FCHSD2: variants seen among roughly 807,000 people sequenced by gnomAD.
FCHSD2 encodes FCH and double SH3 domains 2, also known as F-BAR and double SH3 domains protein 2.
FCHSD2 carries 38 observed loss-of-function variants against 108.1 expected under a neutral mutation model. The observed-to-expected ratio is 0.35, with a 90% CI of 0.27 to 0.46. The LOEUF (loss-of-function observed/expected upper bound fraction) is 0.46, where lower values mean the gene tolerates loss of function less well. Ranked by LOEUF, FCHSD2 falls within the 20% of genes least tolerant of loss-of-function variation. The probability of loss-of-function intolerance (pLI) is 1.00; values close to 1 mark genes in which losing one functional copy is unlikely to be tolerated. For missense variants in FCHSD2, 751 were observed against 897.8 expected (o/e 0.84, Z 2.09); for synonymous variants, 279 against 314.7 (o/e 0.89, Z 1.20).
At chr11:73,038,602 A>G (rs1250942410) in intron 3 of FCHSD2, among the ~76,000 whole-genome samples, 1 of 152,184 alleles carries the variant, frequency 6.6e-6, no homozygotes, top group African/African-American at 2.4e-5. Context: ...AGAAACAGAA[A>G]ACCAAATACC....
At chr11:73,015,268 G>A (rs991383532) in intron 4 of FCHSD2, among the ~76,000 whole-genome samples, 3 of 152,164 alleles carry the variant, frequency 2.0e-5, no homozygotes, top group East Asian at 1.9e-4. Context: ...AACTAGCCAC[G>A]TCTAAATCTT....
In FCHSD2 at chr11:72,843,551, A is replaced by G; in HGVS notation, c.1444-19T>C. 1 of 1,588,924 alleles carries G rather than the reference A, an allele frequency of 6.3e-7. No individual in the cohort carries two copies. Among genetic ancestry groups the G allele is most frequent in the South Asian group, 1.1e-5 (1 of 90,530 alleles). On this transcript the variant is annotated intron_variant, in intron 14 of 19. Coordinates refer to ENST00000409418, the MANE Select transcript of FCHSD2 (RefSeq NM_014824.3). ...GAGAAGCCTGCAGTGTAGGATGGTCATGGACAAAATTAAAAAGGTTAGATA... is the reference window on the plus strand; with the variant it reads ...GAGAAGCCTGCAGTGTAGGATGGTCGTGGACAAAATTAAAAAGGTTAGATA...
intron 9 of FCHSD2, among the ~76,000 whole-genome samples, chr11:72,912,582 TTTA>T (rs1407761578): frequency 1.3e-5 from 2 of 152,226 alleles, no homozygotes; most frequent in Non-Finnish European, 2.9e-5. Context: ...GCTTGTAGTT[TTTA>T]TTTTTTGATG....
intron 10 of FCHSD2, among the ~76,000 whole-genome samples, chr11:72,896,812 T>C (rs1855429681): frequency 7.5e-6 from 1 of 132,488 alleles, no homozygotes; most frequent in South Asian, 2.7e-4. Context: ...GCTTGCCTTG[T>C]GGATTTTTGT....
chr11:72,990,209 GA>G (rs1462999428), intron 5 of FCHSD2, among the ~76,000 whole-genome samples: 2 of 152,126 alleles, frequency 1.3e-5, no homozygotes, highest in East Asian at 3.8e-4. Flanking sequence ...CCCTCTGCAC[GA>G]AACTGGGCCT....
intron 9 of FCHSD2, among the ~76,000 whole-genome samples, chr11:72,908,974 C>T (rs932021095): frequency 6.6e-6 from 1 of 151,972 alleles, no homozygotes; most frequent in Non-Finnish European, 1.5e-5. Flanking sequence ...TTTATATGTC[C>T]TTTTTTGAGA....
chr11:72,884,636 T>C (rs1482890094), intron 12 of FCHSD2, among the ~76,000 whole-genome samples: 1 of 151,148 alleles, frequency 6.6e-6, no homozygotes, highest in Non-Finnish European at 1.5e-5. Context: ...CATATAGTCT[T>C]GCTCTGTTGC....
chr11:72,846,051 A>AATAG (rs919967621), intron 14 of FCHSD2, among the ~76,000 whole-genome samples: 129 of 111,922 alleles, frequency 1.2e-3, no homozygotes, highest in African/African-American at 4.5e-3. Context: ...ATTACAAATA[A>AATAG]ATAGATAGAT....
At chr11:72,939,707 C>T (rs1329698522) in intron 8 of FCHSD2, among the ~76,000 whole-genome samples, 1 of 147,830 alleles carries the variant, frequency 6.8e-6, no homozygotes, top group Non-Finnish European at 1.5e-5. Flanking sequence ...CAACCCCCGC[C>T]TCCCGGGTTC....
At chr11:72,959,219 T>C (rs1480146199) in intron 8 of FCHSD2, among the ~76,000 whole-genome samples, 1 of 106,484 alleles carries the variant, frequency 9.4e-6, no homozygotes, top group African/African-American at 3.6e-5. Context: ...TATCCAGCAG[T>C]CTTTTTTTTT....
chr11:72,921,662 G>A (rs2135310838), intron 9 of FCHSD2, among the ~76,000 whole-genome samples, 166 bp downstream of exon 9: 1 of 152,268 alleles, frequency 6.6e-6, no homozygotes, highest in South Asian at 2.1e-4. Context: ...TCATCAACAA[G>A]GAGAACAGAA....
chr11:72,988,388 TA>T (rs1857349661), intron 6 of FCHSD2, among the ~76,000 whole-genome samples: 1 of 152,232 alleles, frequency 6.6e-6, no homozygotes. Flanking sequence ...TACTTATTCT[TA>T]AAAAAAGGTC....
intron 3 of FCHSD2, among the ~76,000 whole-genome samples, chr11:73,034,224 C>T (rs1858434206): frequency 6.6e-6 from 1 of 152,066 alleles, no homozygotes; most frequent in African/African-American, 2.4e-5. Flanking sequence ...AGGTATTTGT[C>T]CTAATGCTCT....
At chr11:73,038,185 T>A (rs1056211494) in intron 3 of FCHSD2, among the ~76,000 whole-genome samples, 1 of 151,816 alleles carries the variant, frequency 6.6e-6, no homozygotes, top group African/African-American at 2.4e-5. Context: ...TATTAAAAAA[T>A]TTAAAAATTA....
At chr11:73,124,770 G>GA (rs1230919766) in intron 2 of FCHSD2, among the ~76,000 whole-genome samples, 1 of 150,470 alleles carries the variant, frequency 6.6e-6, no homozygotes, top group African/African-American at 2.4e-5. Context: ...AAAAAAAAAG[G>GA]AAACAATGGC....
chr11:73,002,907 T>C (rs752582147), intron 4 of FCHSD2, among the ~76,000 whole-genome samples: 1 of 152,198 alleles, frequency 6.6e-6, no homozygotes, highest in Non-Finnish European at 1.5e-5. Flanking sequence ...CCTCTCACTA[T>C]AGTGAAAGCT....
At chr11:72,989,823 G>C (rs1304469747) in intron 5 of FCHSD2, among the ~76,000 whole-genome samples, 1 of 152,178 alleles carries the variant, frequency 6.6e-6, no homozygotes, top group African/African-American at 2.4e-5. Flanking sequence ...AGTTTCACCA[G>C]CCTGAGACCA....
chr11:72,909,874 G>A (rs1205139900), intron 9 of FCHSD2, among the ~76,000 whole-genome samples: 14 of 141,192 alleles, frequency 9.9e-5, no homozygotes, highest in South Asian at 9.3e-4. Context: ...GCCTCTGCCC[G>A]GCAGCCGCCC....
chr11:73,107,567 C>T (rs557380608), intron 2 of FCHSD2, among the ~76,000 whole-genome samples: 1 of 152,282 alleles, frequency 6.6e-6, no homozygotes, highest in South Asian at 2.1e-4. Flanking sequence ...TACCCATTAA[C>T]CATCCTCACT....
Sources: allele counts gnomAD v4.1 joint callset (sites outside exome capture counted in the v4.1 genomes callset), GRCh38; gene constraint gnomAD v4.1.1; transcripts MANE v1.5; gene names NCBI Gene and HGNC (gene_info 2026-07-23, HGNC 2026-07-21).